The following WDFY4 variants were observed in gnomAD, a reference collection of about 807,000 sequenced individuals.
The protein encoded by WDFY4 is WDFY family member 4, also known as WD repeat- and FYVE domain-containing protein 4.
Under a neutral mutation model 351.9 loss-of-function variants are expected in WDFY4, and 169 were observed. The ratio of observed to expected loss-of-function variants is 0.48; its 90% CI spans 0.42 to 0.55. WDFY4 has a LOEUF of 0.55. Among genes scored for constraint, WDFY4 ranks in the 20% least tolerant of loss-of-function variants. WDFY4 has a pLI of 0.00. For synonymous variants in WDFY4, 1,622 were observed against 1,574.6 expected (o/e 1.03, Z -0.71); for missense variants, 3,803 against 3,935.6 (o/e 0.97, Z 0.90).
chr10:48,753,006 A>G (rs952351125), intron 12 of WDFY4, among the ~76,000 whole-genome samples: 4 of 152,150 alleles, frequency 2.6e-5, no homozygotes, highest in Non-Finnish European at 5.9e-5. Flanking sequence ...AAGGTTTTCA[A>G]TTTCTCCACA....
intron 1 of WDFY4, among the ~76,000 whole-genome samples, chr10:48,689,097 G>T (rs1012364730): frequency 6.6e-6 from 1 of 151,536 alleles, no homozygotes; most frequent in African/African-American, 2.4e-5. Context: ...CTGGCAGAAA[G>T]AAGGAATATA....
intron 20 of WDFY4, among the ~76,000 whole-genome samples, chr10:48,787,980 T>TTCTC (rs2066539762): frequency 1.9e-5 from 1 of 52,986 alleles, no homozygotes; most frequent in African/African-American, 7.8e-5. Flanking sequence ...TTCTTCTTCT[T>TTCTC]CTTCTCCTTC....
intron 53 of WDFY4, among the ~76,000 whole-genome samples, chr10:48,962,793 C>T (rs770538167): frequency 3.3e-5 from 5 of 152,198 alleles, no homozygotes; most frequent in Non-Finnish European, 7.3e-5. Context: ...AGAATGTCTC[C>T]TGTCCTCCCA....
chr10:48,824,023 C>T (rs1165151722), intron 35 of WDFY4: 7 of 985,416 alleles, frequency 7.1e-6, no homozygotes, highest in South Asian at 9.4e-5. Flanking sequence ...TTTGTGCATA[C>T]TCTTTGTATT....
chr10:48,795,299 C>G (rs1198390368), intron 23 of WDFY4, among the ~76,000 whole-genome samples: 1 of 151,586 alleles, frequency 6.6e-6, no homozygotes, highest in African/African-American at 2.4e-5. Context: ...AGCAATGAAA[C>G]CATGATCTTT....
At chr10:48,819,208 G>T (rs7081478) in intron 32 of WDFY4, among the ~76,000 whole-genome samples, 2,294 of 152,280 alleles carry the variant, frequency 0.015, 54 homozygotes, top group African/African-American at 0.052. Flanking sequence ...TGGGGCTCCT[G>T]GCTCTAATTC....
intron 13 of WDFY4, among the ~76,000 whole-genome samples, chr10:48,768,192 G>T (rs2065733366): frequency 6.6e-6 from 1 of 152,198 alleles, no homozygotes. Context: ...TGTACCAGAA[G>T]TGGGTGAATC....
At chr10:48,822,334 G>A (rs2067852296) in intron 34 of WDFY4, 46 bp from the exon 35 acceptor site, 1 of 1,483,164 alleles carries the variant, frequency 6.7e-7, no homozygotes, top group East Asian at 2.5e-5. Flanking sequence ...GTCATGGACA[G>A]AAGTCCATTT....
In WDFY4 at chr10:48,962,906, T is replaced by C. The variant is rs529784385; in HGVS notation, c.8224-936T>C. Among the ~76,000 whole-genome samples, 6 of 152,290 alleles carry C rather than the reference T, an allele frequency of 3.9e-5. No individual in the cohort carries two copies. In the East Asian group the frequency reaches 1.2e-3, roughly 29 times the overall value. On this transcript the variant is annotated intron_variant, in intron 53 of 61. Coordinates refer to ENST00000325239, the MANE Select transcript of WDFY4 (RefSeq NM_001394531.1). ...CTGCATGCCCCCAGCTAGACACAGCTGCCCCAGTGAAGGAAGTTCACATTC... is the reference window on the plus strand; with the variant it reads ...CTGCATGCCCCCAGCTAGACACAGCCGCCCCAGTGAAGGAAGTTCACATTC...
intron 39 of WDFY4, among the ~76,000 whole-genome samples, chr10:48,855,145 A>G (rs1345760513): frequency 6.6e-6 from 1 of 152,158 alleles, no homozygotes; most frequent in Admixed American, 6.5e-5. Context: ...TATTGTTTTT[A>G]TATTTTTTAG....
chr10:48,788,047 C>G (rs556310150), intron 20 of WDFY4, among the ~76,000 whole-genome samples: 1 of 147,378 alleles, frequency 6.8e-6, no homozygotes, highest in African/African-American at 2.6e-5. Flanking sequence ...TCTTCTTCTT[C>G]GACAGAGTCT....
chr10:48,772,744 T>C (rs1370402161), intron 13 of WDFY4, among the ~76,000 whole-genome samples: 1 of 148,352 alleles, frequency 6.7e-6, no homozygotes, highest in South Asian at 2.2e-4. Flanking sequence ...CCCCTTCCTG[T>C]GTCCATGTGA....
chr10:48,773,847 T>A (rs1347854204), intron 13 of WDFY4, among the ~76,000 whole-genome samples: 1 of 152,182 alleles, frequency 6.6e-6, no homozygotes, highest in African/African-American at 2.4e-5. Context: ...GTTTGGTAAG[T>A]GGTACTTCTT....
chr10:48,721,294 G>T lies in WDFY4; in HGVS notation c.383G>T (p.Trp128Leu). The T allele has an allele frequency of 6.4e-7, 1 of 1,551,668 alleles. No homozygotes were observed. The highest frequency in any genetic ancestry group is 1.2e-5 in the South Asian group (1 of 84,050). ...CGGTTGGCAGCTGGACAGTTGCTGT[G>T]GTGGAAGGGGGACGTGGATCAGGAT... is the stretch of plus-strand genomic sequence containing the variant. ...QARLAAGQLL[W>L]WKGDVDQDGY... Residue 128 changes from tryptophan to leucine, a missense_variant, in exon 4 of 62, where the codon TGG becomes TTG. Trp to Leu is a moderately conservative substitution (Grantham distance 61). Around this residue, in one of 3 missense-constraint regions of WDFY4, gnomAD observed 488 missense variants for 456.8 expected, o/e 1.07. Transcript: ENST00000325239.
chr10:48,786,525 A>C, intron 19 of WDFY4, 114 bp from the exon 20 acceptor site: 2 of 808,050 alleles, frequency 2.5e-6, no homozygotes, highest in Non-Finnish European at 3.6e-6. Flanking sequence ...TTTTAGATAA[A>C]ATACATTTTT....
At chr10:48,873,004 GAGGGCTTCTA>G (rs1433285619) in intron 40 of WDFY4, among the ~76,000 whole-genome samples, 2 of 152,144 alleles carry the variant, frequency 1.3e-5, no homozygotes, top group East Asian at 3.9e-4. Context: ...CAGTTGTCTT[GAGGGCTTCTA>G]ATTCCCACTC....
At chr10:48,854,933 C>T (rs751848798) in intron 39 of WDFY4, among the ~76,000 whole-genome samples, 11 of 152,052 alleles carry the variant, frequency 7.2e-5, no homozygotes, top group Non-Finnish European at 1.6e-4. Context: ...TGGGCTTTTG[C>T]CTTAGATGTA....
At chr10:48,760,124 C>T (rs764616300) in intron 12 of WDFY4, among the ~76,000 whole-genome samples, 3 of 152,166 alleles carry the variant, frequency 2.0e-5, no homozygotes, top group Non-Finnish European at 4.4e-5. Context: ...TGCCTTGGAG[C>T]ACAAAAGCAT....
intron 10 of WDFY4, among the ~76,000 whole-genome samples, chr10:48,734,599 A>G (rs534955578): frequency 5.3e-5 from 8 of 151,848 alleles, no homozygotes; most frequent in African/African-American, 1.9e-4. Context: ...AGGCATCTTT[A>G]TCTGAGGCCT....
Sources: allele counts gnomAD v4.1 joint callset (sites outside exome capture counted in the v4.1 genomes callset), GRCh38; gene constraint gnomAD v4.1.1; regional missense constraint gnomAD v4.1.1; transcripts MANE v1.5; gene names NCBI Gene and HGNC (gene_info 2026-07-23, HGNC 2026-07-21).